GSE1: variants seen among roughly 807,000 people sequenced by gnomAD.
GSE1 encodes the protein genetic suppressor element 1.
In GSE1, 32 loss-of-function variants were observed where a neutral mutation model predicts 112.6. The observed-to-expected ratio is 0.28, with a 90% CI of 0.21 to 0.38. The LOEUF (loss-of-function observed/expected upper bound fraction) is 0.38, where lower values mean the gene tolerates loss of function less well. GSE1 is among the 10% of genes least tolerant of loss of function. The pLI is 1.00. For synonymous variants in GSE1, 1,115 were observed against 735.6 expected (o/e 1.52, Z -8.35); for missense variants, 2,348 against 1,699.2 (o/e 1.38, Z -6.71).
chr16:85,431,468 C>T (rs896120631), intron 2 of GSE1, among the ~76,000 whole-genome samples: 17 of 152,238 alleles, frequency 1.1e-4, no homozygotes, highest in Admixed American at 1.1e-3. Flanking sequence ...AAACACACAA[C>T]GCCCCTACCG....
At chr16:85,461,471 G>C (rs747064502) in intron 2 of GSE1, among the ~76,000 whole-genome samples, 1 of 152,060 alleles carries the variant, frequency 6.6e-6, no homozygotes. Flanking sequence ...CATGCCCAGA[G>C]GTGTGATGTC....
At chr16:85,470,743 C>T (rs1045147992) in intron 2 of GSE1, among the ~76,000 whole-genome samples, 2 of 152,314 alleles carry the variant, frequency 1.3e-5, no homozygotes, top group African/African-American at 4.8e-5. Flanking sequence ...GCCCCCTGCC[C>T]ACTTCCCTTA....
chr16:85,500,410 A>AAATCACTCGGCAC (rs1240956860), intron 2 of GSE1, among the ~76,000 whole-genome samples: 1 of 152,218 alleles, frequency 6.6e-6, no homozygotes, highest in Non-Finnish European at 1.5e-5. Flanking sequence ...TGGCTAAAAT[A>AAATCACTCGGCAC]AATCACTCGG....
At chr16:85,499,831 G>A (rs1339387973) in intron 2 of GSE1, among the ~76,000 whole-genome samples, 1 of 152,222 alleles carries the variant, frequency 6.6e-6, no homozygotes, top group Non-Finnish European at 1.5e-5. Flanking sequence ...TGCTGGCACA[G>A]TTGTGGTGAA....
At chr16:85,616,044 C>A (rs959569837) in intron 1 of GSE1, among the ~76,000 whole-genome samples, 15 of 152,226 alleles carry the variant, frequency 9.9e-5, no homozygotes, top group Non-Finnish European at 1.9e-4. Flanking sequence ...ATCTGAGTGC[C>A]TTGTGGTTTC....
intron 2 of GSE1, among the ~76,000 whole-genome samples, chr16:85,372,076 G>A (rs1437043666): frequency 6.6e-6 from 1 of 152,194 alleles, no homozygotes; most frequent in Non-Finnish European, 1.5e-5. Context: ...TACCAGGTGG[G>A]GTGTAAGCGG....
intron 1 of GSE1, among the ~76,000 whole-genome samples, chr16:85,234,736 G>A (rs1214722685): frequency 6.6e-6 from 1 of 152,148 alleles, no homozygotes; most frequent in African/African-American, 2.4e-5. Flanking sequence ...TGAGGATGCC[G>A]GCCCCGCCCC....
chr16:85,572,214 A>G (rs2046020120), intron 1 of GSE1, among the ~76,000 whole-genome samples: 1 of 149,258 alleles, frequency 6.7e-6, no homozygotes, highest in South Asian at 2.1e-4. Flanking sequence ...CACAGCACGC[A>G]CACACCACAT....
chr16:85,415,628 G>A (rs1272107355), intron 2 of GSE1, among the ~76,000 whole-genome samples: 1 of 152,236 alleles, frequency 6.6e-6, no homozygotes, highest in Non-Finnish European at 1.5e-5. Context: ...CCGTGATCGG[G>A]ATCTGCTCTG....
intron 2 of GSE1, among the ~76,000 whole-genome samples, chr16:85,471,106 G>C (rs1418691910): frequency 6.6e-6 from 1 of 152,094 alleles, no homozygotes; most frequent in Non-Finnish European, 1.5e-5. Flanking sequence ...AGCCACGTGA[G>C]AGGTGCACGG....
chr16:85,323,180 A>C (rs1342736573), intron 1 of GSE1, among the ~76,000 whole-genome samples: 1 of 152,148 alleles, frequency 6.6e-6, no homozygotes, highest in East Asian at 1.9e-4. Flanking sequence ...CTGGAACTTG[A>C]AGGGCTGCAG....
chr16:85,501,871 A>G (rs2051380203), intron 2 of GSE1, among the ~76,000 whole-genome samples: 1 of 152,190 alleles, frequency 6.6e-6, no homozygotes, highest in African/African-American at 2.4e-5. Context: ...ACAGTTGCAG[A>G]CTGGATCTCC....
At chr16:85,437,256 G>A (rs762956542) in intron 2 of GSE1, among the ~76,000 whole-genome samples, 54 of 152,136 alleles carry the variant, frequency 3.5e-4, no homozygotes, top group Non-Finnish European at 2.9e-4. Context: ...CCCCCTGCAC[G>A]CCCTCCAAAC....
intron 2 of GSE1, among the ~76,000 whole-genome samples, chr16:85,446,178 G>T (rs762377681): frequency 2.8e-4 from 42 of 152,148 alleles, no homozygotes; most frequent in Non-Finnish European, 5.3e-4. Context: ...TCAGCTCTGC[G>T]ACGTCGGGGC....
chr16:85,434,307 C>CTAATAATAATAATAA (rs59877761), intron 2 of GSE1, among the ~76,000 whole-genome samples: 44 of 142,292 alleles, frequency 3.1e-4, no homozygotes, highest in Non-Finnish European at 4.1e-4. Context: ...GGATGGTGGT[C>CTAATAATAATAATAA]TAATAATAAT....
At chr16:85,481,104 C>A (rs2050668368) in intron 2 of GSE1, among the ~76,000 whole-genome samples, 1 of 152,248 alleles carries the variant, frequency 6.6e-6, no homozygotes, top group South Asian at 2.1e-4. Flanking sequence ...CCTGCTCTTC[C>A]TGGGACAGCC....
chr16:85,482,500 T>TTC (rs2050711375), intron 2 of GSE1, among the ~76,000 whole-genome samples: 1 of 148,220 alleles, frequency 6.7e-6, no homozygotes, highest in Admixed American at 6.8e-5. Flanking sequence ...GTGACTCAGT[T>TTC]CCCCCCCCAA....
At chr16:85,648,335 G>C (rs1034028844) in intron 2 of GSE1, among the ~76,000 whole-genome samples, 4 of 152,114 alleles carry the variant, frequency 2.6e-5, no homozygotes, top group African/African-American at 9.7e-5. Context: ...CAAAGGGATA[G>C]GGAGTGCCCG....
chr16:85,603,683 T>A (rs996754263), intron 1 of GSE1, among the ~76,000 whole-genome samples: 9 of 152,166 alleles, frequency 5.9e-5, no homozygotes, highest in Non-Finnish European at 1.2e-4. Context: ...TTATTATTAT[T>A]TTTTGTAGAG....
Sources: gnomAD v4.1 joint callset for allele counts (sites outside exome capture counted in the v4.1 genomes callset) on GRCh38, gnomAD v4.1.1 for gene constraint, MANE v1.5 for transcripts, NCBI Gene and HGNC (gene_info 2026-07-23, HGNC 2026-07-21) for gene names.